The following FBXO2 variants were observed in gnomAD, a reference collection of about 807,000 sequenced individuals.
FBXO2 encodes the protein F-box only protein 2.
A neutral mutation model predicts 38.6 loss-of-function variants in FBXO2; 32 were observed. The observed-to-expected ratio is 0.83, with a 90% CI of 0.62 to 1.11. The LOEUF (loss-of-function observed/expected upper bound fraction) is 1.11. FBXO2 is among the 50% of genes most tolerant of loss of function. The pLI is 0.00. For synonymous variants in FBXO2, 189 were observed against 182.9 expected (o/e 1.03, Z -0.27); for missense variants, 450 against 418.3 (o/e 1.08, Z -0.66).
In FBXO2 at chr1:11,650,547, C is replaced by T. The variant is rs754265732; in HGVS notation, c.310G>A (p.Glu104Lys). The T allele has an allele frequency of 1.3e-6, 2 of 1,598,680 alleles. No homozygotes were observed. Among genetic ancestry groups the T allele is most frequent in the Admixed American group, 1.7e-5 (1 of 58,284 alleles). Reference sequence around the variant, plus strand: ...TGCTGCCAGTGGTCGCGCTCCTCCTCCACGCCGCCCTCGGGCACCAGCCCC... The same window carrying T: ...TGCTGCCAGTGGTCGCGCTCCTCCTTCACGCCGCCCTCGGGCACCAGCCCC... ...QEGLVPEGGV[E>K]EERDHWQQFY... The change falls in exon 2 of 6, where the codon GAG becomes AAG. Residue 104 changes from glutamate to lysine, a missense_variant. By Grantham distance (56) the Glu-to-Lys change is moderately conservative. Transcript: ENST00000354287.
Position 11,650,495 on chromosome 1 carries a change from C to A in FBXO2, c.362G>T (p.Arg121Leu), listed in dbSNP as rs758528085. ...CCCACACGGGTTACGCAGAAGGTTGCGGCGCCGCTTGCTCAGGAAGTAGAA... is the reference window on the plus strand; with the variant it reads ...CCCACACGGGTTACGCAGAAGGTTGAGGCGCCGCTTGCTCAGGAAGTAGAA... Reference protein sequence around the residue: ...QQFYFLSKRRRNLLRNPCGEE... With the variant: ...QQFYFLSKRRLNLLRNPCGEE... Residue 121 changes from arginine to leucine, a missense_variant, in exon 2 of 6, where the codon CGC becomes CTC. Coordinates refer to ENST00000354287, the MANE Select transcript of FBXO2 (RefSeq NM_012168.6). 1.2e-6 allele frequency: 2 copies of A among 1,607,952 alleles called. No homozygotes were observed. The highest frequency in any genetic ancestry group is 2.7e-5 in the African/African-American group (2 of 74,890).
At position 11,650,628 on chromosome 1, in the gene FBXO2, G is replaced by A. The variant is rs1483313072; in HGVS notation, c.229C>T (p.Arg77Cys). 4.4e-6 allele frequency: 7 copies of A among 1,584,216 alleles called. No homozygotes were observed. Among genetic ancestry groups the A allele is most frequent in the Non-Finnish European group, 5.1e-6 (6 of 1,170,048 alleles). The part of the protein sequence containing the change: ...LVQACRLVCL[R>C]WKELVDGAPL... ...GCGCCGTCCACCAGCTCCTTCCAGC[G>A]CAGGCACACCAGGCGGCAGGCCTGC... Residue 77 changes from arginine (R) to cysteine (C), a missense_variant, in exon 2 of 6, where the codon CGC becomes TGC. Arg to Cys is a radical substitution (Grantham distance 180, BLOSUM62 -3). Transcript: ENST00000354287.
chr1:11,650,153 G>T (rs767856156), intron 2 of FBXO2, 79 bp from the exon 3 acceptor site: 6 of 1,581,242 alleles, frequency 3.8e-6, no homozygotes, highest in Non-Finnish European at 5.2e-6. Context: ...GTGGGGGGCA[G>T]GGCAAAGGTC....
Position 11,648,924 on chromosome 1 carries a change from C to T in FBXO2, c.757-96G>A, listed in dbSNP as rs1024723869. The T allele has an allele frequency of 1.2e-5, 18 of 1,551,132 alleles. No homozygotes were observed. The highest frequency in any genetic ancestry group is 2.3e-5 in the East Asian group (1 of 43,896). The stretch of plus-strand genomic sequence containing the variant: ...CCGACCGACCTGCAGCTCCCCCACT[C>T]GGTTTCTCCGCGGTATTCAGAACTC... On this transcript the variant is annotated intron_variant, in intron 5 of 5. Transcript: ENST00000354287. This position sits in a 1 kb window ranked among gnomAD's most constrained non-coding sequence, Gnocchi z 4.2.
chr1:11,649,237 GA>G lies in FBXO2; in HGVS notation c.618-13del. ...TGCGGCCCGAGTACCTGCTCAGAGG[GA>G]GGGAGCGAGGTGGGGGGCGGGAGGT... On this transcript the variant is annotated splice_polypyrimidine_tract_variant and intron_variant, in intron 4 of 5. Transcript: ENST00000354287. 6.6e-7 allele frequency: 1 copy of G among 1,517,390 alleles called. No individual in the cohort carries two copies. The highest frequency in any genetic ancestry group is 1.2e-5 in the South Asian group (1 of 81,188). 94.0% of individuals were successfully genotyped at this position (1,517,390 alleles called of 1,614,324 possible). A position where few individuals can be genotyped will look rare whatever the true frequency, so the allele number is the denominator to read the frequency against.
chr1:11,653,172 C>T (rs1011807855), intron 1 of FBXO2, among the ~76,000 whole-genome samples: 19 of 152,306 alleles, frequency 1.2e-4, no homozygotes, highest in Non-Finnish European at 2.6e-4. Flanking sequence ...ACCTCTCCAG[C>T]CCTCCCTCCG....
Position 11,649,956 on chromosome 1 carries a change from G to C in FBXO2, c.510C>G (p.Ala170=), listed in dbSNP as rs754665911. 3 of 1,613,850 alleles carry C rather than the reference G, an allele frequency of 1.9e-6. No individual in the cohort carries two copies. In the East Asian group the frequency reaches 6.7e-5, roughly 36 times the overall value. ...THDESVKKYF[A]SSFEWCRKAQ... is the part of the protein sequence containing the mutation. ...CCCCTTCTCCTTACTCAAAGGAGGA[G>C]GCGAAGTACTTCTTGACGCTCTCAT... Residue 170 remains alanine (A), a synonymous_variant, in exon 3 of 6, where the codon GCC becomes GCG. Coordinates refer to ENST00000354287, the MANE Select transcript of FBXO2 (RefSeq NM_012168.6).
Position 11,648,776 on chromosome 1 carries a change from TCGAAGCGGA to T in FBXO2, c.800_808del (p.Val267_Phe269del). ...GTAGACGGAGTCCTGCCCCCCGTGC[TCGAAGCGGA>T]CGAAGCGGACGCCCGGCCCGTAGTC... is the stretch of plus-strand genomic sequence containing the variant. On this transcript the variant is annotated inframe_deletion, in exon 6 of 6. Transcript: ENST00000354287. The surrounding 1 kb of genome is among the most constrained non-coding windows in gnomAD (Gnocchi z 4.2). The T allele has an allele frequency of 6.2e-7, 1 of 1,613,692 alleles. No individual in the cohort carries two copies. Among genetic ancestry groups the T allele is most frequent in the Non-Finnish European group, 8.5e-7 (1 of 1,180,002 alleles).
chr1:11,653,799 C>T (rs1278258416), intron 1 of FBXO2, among the ~76,000 whole-genome samples: 1 of 152,166 alleles, frequency 6.6e-6, no homozygotes, highest in African/African-American at 2.4e-5. Flanking sequence ...CTGCCCCCAA[C>T]GCTCCCTCAC....
chr1:11,650,867 C>A, intron 1 of FBXO2, 33 bp from the exon 2 acceptor site: 1 of 1,557,362 alleles, frequency 6.4e-7, no homozygotes, highest in East Asian at 2.4e-5. Flanking sequence ...GGCTGTGATT[C>A]CTCCACCCTG....
chr1:11,650,224 A>C (rs1037970026), intron 2 of FBXO2, 150 bp from the exon 3 acceptor site: 1 of 1,363,910 alleles, frequency 7.3e-7, no homozygotes, highest in Non-Finnish European at 9.9e-7. Flanking sequence ...GCAGTTTCTA[A>C]ATCTGCCTCC....
chr1:11,650,165 C>A, intron 2 of FBXO2, 91 bp from the exon 3 acceptor site: 1 of 1,555,232 alleles, frequency 6.4e-7, no homozygotes, highest in Non-Finnish European at 8.7e-7. Flanking sequence ...GCAAAGGTCG[C>A]ACTTGGTGTC....
rs763427102 is a variant in FBXO2, at chr1:11,649,081, G to C, written c.756+6C>G. On this transcript the variant is annotated splice_donor_region_variant and intron_variant, in intron 5 of 5. Transcript: ENST00000354287. ...CACCCCTCCGCCCTGGGTCCCCCAG[G>C]CTCACCTCCATCCAGCCCCCGCCGT... 1.3e-6 allele frequency: 2 copies of C among 1,580,178 alleles called. No homozygotes were observed. Among genetic ancestry groups the C allele is most frequent in the African/African-American group, 1.3e-5 (1 of 74,160 alleles).
rs370376779 is a variant in FBXO2, at chr1:11,650,437, G to A, written c.391+29C>T. On this transcript the variant is annotated intron_variant, in intron 2 of 5. Coordinates refer to ENST00000354287, the MANE Select transcript of FBXO2 (RefSeq NM_012168.6). ...TTCGGCCCATTTCGCAGCAGGGGAA[G>A]CTGAGCTCGCCCAGCGAGGGCCTCT... The A allele has an allele frequency of 9.3e-4, 1,484 of 1,598,950 alleles. 1 individual carries two copies. The highest frequency in any genetic ancestry group is 1.1e-3 in the Non-Finnish European group (1,282 of 1,172,644).
At position 11,650,331 on chromosome 1, in the gene FBXO2, TAGAC is replaced by T. The variant is rs1339687670; in HGVS notation, c.391+131_391+134del. 10 of 1,440,482 alleles carry T rather than the reference TAGAC, an allele frequency of 6.9e-6. No homozygotes were observed. The Middle Eastern group carries it at 7.4e-4, about 106-fold the overall frequency. 89.2% of individuals were successfully genotyped at this position (1,440,482 alleles called of 1,614,324 possible). On this transcript the variant is annotated intron_variant, in intron 2 of 5. Transcript: ENST00000354287. Reference sequence around the variant, plus strand: ...ACAGGTGGCCAGAGAGCTACAGTAATAGACAGCCTTGGGGCTACCCAGTGCTGGC... The same window carrying T: ...ACAGGTGGCCAGAGAGCTACAGTAATAGCCTTGGGGCTACCCAGTGCTGGC...
At chr1:11,652,074 C>T (rs1639530903) in intron 1 of FBXO2, among the ~76,000 whole-genome samples, 1 of 152,232 alleles carries the variant, frequency 6.6e-6, no homozygotes, top group African/African-American at 2.4e-5. Flanking sequence ...AGCAATCTTC[C>T]TGCCTCGGCC....
At chr1:11,651,363 A>G (rs1639518317) in intron 1 of FBXO2, among the ~76,000 whole-genome samples, 3 of 152,210 alleles carry the variant, frequency 2.0e-5, no homozygotes, top group African/African-American at 4.8e-5. Context: ...GAAAACACAC[A>G]GCTTCATGCC....
rs541058087 is a variant in FBXO2 at position 11,651,946 on chromosome 1, G to A, written c.23-1112C>T. Among the ~76,000 whole-genome samples the A allele has an allele frequency of 1.3e-4, 20 of 152,210 alleles. No homozygotes were observed. In the East Asian group the frequency reaches 2.7e-3, roughly 21 times the overall value. On this transcript the variant is annotated intron_variant, in intron 1 of 5. Coordinates refer to ENST00000354287, the MANE Select transcript of FBXO2 (RefSeq NM_012168.6). ...ACTCCTGACCTCAGGTGATCCACCC[G>A]CCTCAGCCTCCCAAAGTGCTGGGAT...
intron 4 of FBXO2, 165 bp downstream of exon 4, chr1:11,649,614 C>T: frequency 1.5e-6 from 1 of 653,984 alleles, no homozygotes; most frequent in Non-Finnish European, 2.6e-6. Context: ...TTTCCAGGTT[C>T]TCCTGCAAAC....
Sources: allele counts gnomAD v4.1 joint callset (sites outside exome capture counted in the v4.1 genomes callset), GRCh38; gene constraint gnomAD v4.1.1; non-coding constraint Gnocchi (gnomAD v3.1); transcripts MANE v1.5; gene names NCBI Gene and HGNC (gene_info 2026-07-23, HGNC 2026-07-21).